DNMBP: variants seen among roughly 807,000 people sequenced by gnomAD.
DNMBP encodes the protein dynamin binding protein, also known as dynamin-binding protein.
Under a neutral mutation model 150.0 loss-of-function variants are expected in DNMBP, and 87 were observed. The ratio of observed to expected loss-of-function variants is 0.58; its 90% CI spans 0.49 to 0.69. The LOEUF (loss-of-function observed/expected upper bound fraction) is 0.69. Ranked by LOEUF, DNMBP falls within the 30% of genes least tolerant of loss-of-function variation. The pLI is 0.00. For missense variants in DNMBP, 1,774 were observed against 1,949.0 expected (o/e 0.91, Z 1.69); for synonymous variants, 711 against 750.4 (o/e 0.95, Z 0.86).
At chr10:99,930,176 A>C (rs1179631775) in intron 4 of DNMBP, 1 of 703,004 alleles carries the variant, frequency 1.4e-6, no homozygotes, top group Non-Finnish European at 2.6e-6. Context: ...CTCTACAATA[A>C]AAATTAGTTG....
At chr10:99,903,239 C>A (rs1396518135) in intron 6 of DNMBP, among the ~76,000 whole-genome samples, 2 of 151,956 alleles carry the variant, frequency 1.3e-5, no homozygotes, top group Admixed American at 1.3e-4. Context: ...CAGCACCTGG[C>A]CAGAAGCTTC....
At chr10:99,886,263 AT>A in intron 13 of DNMBP, 36 bp downstream of exon 13, 1 of 1,543,416 alleles carries the variant, frequency 6.5e-7, no homozygotes, top group Non-Finnish European at 8.9e-7. Flanking sequence ...GGCAAAGGCT[AT>A]AGATGACCAT....
chr10:99,932,816 G>A (rs1036504889), intron 4 of DNMBP, among the ~76,000 whole-genome samples: 6 of 147,314 alleles, frequency 4.1e-5, no homozygotes, highest in South Asian at 2.2e-4. Flanking sequence ...GGTCTTGCTC[G>A]TGCAGGAGTT....
rs770381886 is a variant in DNMBP, at chr10:99,880,071, T to A, written c.4288A>T (p.Ser1430Cys). Residue 1430 changes from serine to cysteine, a missense_variant, in exon 16 of 17, where the codon AGT becomes TGT. Physicochemically the swap from Ser to Cys is moderately radical, Grantham distance 112 (BLOSUM62 -1). Around this residue, in one of 2 missense-constraint regions of DNMBP, gnomAD observed 1,430 missense variants for 1,492.5 expected, o/e 0.96. Coordinates refer to ENST00000324109, the MANE Select transcript of DNMBP (RefSeq NM_015221.4). ...ASLNPSNSES[S>C]PSRCPSDPDS... ...GGGTCTGAAGGGCATCTGGAAGGAC[T>A]ACTCTCTGAATTACTCGGATTTAGG... The A allele has an allele frequency of 1.2e-6, 2 of 1,614,202 alleles. No homozygotes were observed. Among genetic ancestry groups the A allele is most frequent in the Middle Eastern group, 1.6e-4 (1 of 6,062 alleles).
intron 4 of DNMBP, among the ~76,000 whole-genome samples, chr10:99,920,388 AT>A (rs2040010632): frequency 2.0e-5 from 3 of 151,388 alleles, no homozygotes; most frequent in African/African-American, 7.3e-5. Flanking sequence ...TATTTCCAAT[AT>A]TTTGATGGTA....
chr10:99,919,178 C>T (rs2133263483), intron 4 of DNMBP, among the ~76,000 whole-genome samples: 1 of 152,306 alleles, frequency 6.6e-6, no homozygotes, highest in Admixed American at 6.5e-5. Flanking sequence ...CATAAAGCAG[C>T]ATATTCAAAA....
chr10:99,915,258 T>C (rs1361077833), intron 4 of DNMBP, among the ~76,000 whole-genome samples: 2 of 150,116 alleles, frequency 1.3e-5, no homozygotes, highest in African/African-American at 4.9e-5. Flanking sequence ...ATTATGTAAG[T>C]GTAGAGAGAA....
At chr10:99,991,293 G>GGT (rs1424769908) in intron 1 of DNMBP, among the ~76,000 whole-genome samples, 1 of 151,790 alleles carries the variant, frequency 6.6e-6, no homozygotes, top group Non-Finnish European at 1.5e-5. Flanking sequence ...CAGCCAGGGT[G>GGT]GTCTCAAACT....
Position 99,880,408 on chromosome 10 carries a change from TG to T in DNMBP, c.3998-48del, listed in dbSNP as rs765536363. On this transcript the variant is annotated intron_variant, in intron 15 of 16. Transcript: ENST00000324109. ...TAAACAAGAACTCTTAGCAGAAGGC[TG>T]GACAGACAGAGGGAGCATTGAGAGA... 2.0e-6 allele frequency: 3 copies of T among 1,490,192 alleles called. No homozygotes were observed. The East Asian group carries it at 7.0e-5, about 35-fold the overall frequency. 92.3% of individuals were successfully genotyped at this position (1,490,192 alleles called of 1,614,324 possible). A position where few individuals can be genotyped will look rare whatever the true frequency, so the allele number is the denominator to read the frequency against.
intron 1 of DNMBP, among the ~76,000 whole-genome samples, chr10:99,987,207 T>C (rs568185944): frequency 3.5e-5 from 5 of 144,180 alleles, no homozygotes; most frequent in Non-Finnish European, 6.1e-5. Flanking sequence ...TAACATGACA[T>C]GTAAAGAAAA....
Position 99,956,874 on chromosome 10 carries a change from C to T in DNMBP, c.600G>A (p.Glu200=). The part of the protein sequence containing the change: ...RRGIFPEGFV[E]LLGPLRTVDE... ...CCACAGTCCTCAGGGGCCCCAACAG[C>T]TCTACAAAACCTTCTGGAAAAATGC... Residue 200 remains glutamate (E), a synonymous_variant, in exon 4 of 17, where the codon GAG becomes GAA. Coordinates refer to ENST00000324109, the MANE Select transcript of DNMBP (RefSeq NM_015221.4). 6.2e-7 allele frequency: 1 copy of T among 1,614,178 alleles called. No homozygotes were observed. The highest frequency in any genetic ancestry group is 1.1e-5 in the South Asian group (1 of 91,080).
chr10:99,982,187 A>G (rs1010425526), intron 1 of DNMBP, among the ~76,000 whole-genome samples: 3 of 152,130 alleles, frequency 2.0e-5, no homozygotes, highest in African/African-American at 7.2e-5. Flanking sequence ...GCTCACACCT[A>G]TAATCCCAGC....
chr10:99,916,992 C>T (rs1320466284), intron 4 of DNMBP, among the ~76,000 whole-genome samples: 2 of 151,514 alleles, frequency 1.3e-5, no homozygotes, highest in Non-Finnish European at 2.9e-5. Flanking sequence ...CAGAGTGAGA[C>T]TCTGTCTCAA....
intron 4 of DNMBP, among the ~76,000 whole-genome samples, chr10:99,934,660 G>A (rs1231043415): frequency 2.2e-5 from 3 of 135,846 alleles, no homozygotes; most frequent in Non-Finnish European, 4.8e-5. Flanking sequence ...AGTTTGGCCC[G>A]GGGAGGGAGA....
intron 1 of DNMBP, among the ~76,000 whole-genome samples, chr10:99,973,595 A>G: frequency 6.6e-6 from 1 of 152,222 alleles, no homozygotes; most frequent in Admixed American, 6.5e-5. Flanking sequence ...AACTGAGGGC[A>G]TTCTGGTTCC....
rs1564716207 is a variant in DNMBP at position 99,886,517 on chromosome 10, C to T, written c.3401G>A (p.Cys1134Tyr). ...RFDKLLDFYN[C>Y]TERAEKLKDK... Reference sequence around the variant, plus strand: ...CTTTAGCTTTTCTGCCCGTTCTGTACAGTTATAGAAGTCCAGGAGCTTGTC... The same window carrying T: ...CTTTAGCTTTTCTGCCCGTTCTGTATAGTTATAGAAGTCCAGGAGCTTGTC... Residue 1134 changes from cysteine (C) to tyrosine (Y), a missense_variant, in exon 13 of 17, where the codon TGT becomes TAT. Cys to Tyr is a radical substitution (Grantham distance 194). Around this residue, in one of 2 missense-constraint regions of DNMBP, gnomAD observed 1,430 missense variants for 1,492.5 expected, o/e 0.96. Transcript: ENST00000324109. 6.2e-7 allele frequency: 1 copy of T among 1,614,144 alleles called. No individual in the cohort carries two copies. Among genetic ancestry groups the T allele is most frequent in the Non-Finnish European group, 8.5e-7 (1 of 1,180,036 alleles).
intron 7 of DNMBP, among the ~76,000 whole-genome samples, chr10:99,899,548 G>C (rs1445675601): frequency 1.3e-5 from 2 of 152,146 alleles, no homozygotes; most frequent in African/African-American, 2.4e-5. Context: ...GTTGCAGTGA[G>C]CTAAGATTGT....
At chr10:99,957,361 T>C (rs367619814) in intron 3 of DNMBP, 156 bp from the exon 4 acceptor site, 2 of 698,028 alleles carry the variant, frequency 2.9e-6, no homozygotes, top group Non-Finnish European at 4.7e-6. Flanking sequence ...ATTTATTGAA[T>C]TGGAGCAGTT....
At chr10:99,913,920 C>T (rs2039931877) in intron 4 of DNMBP, 2 of 1,305,746 alleles carry the variant, frequency 1.5e-6, no homozygotes, top group African/African-American at 1.5e-5. Context: ...GTTCCACTTC[C>T]TTCTGTGCTG....
Sources: gnomAD v4.1 joint callset for allele counts (sites outside exome capture counted in the v4.1 genomes callset) on GRCh38, gnomAD v4.1.1 for gene constraint, gnomAD v4.1.1 regional missense constraint, MANE v1.5 for transcripts, NCBI Gene and HGNC (gene_info 2026-07-23, HGNC 2026-07-21) for gene names.